HRH1: variants seen among roughly 807,000 people sequenced by gnomAD.
The protein encoded by HRH1 is histamine receptor H1.
HRH1 carries 6 observed loss-of-function variants against 10.3 expected under a neutral mutation model. The ratio of observed to expected loss-of-function variants is 0.58; its 90% CI spans 0.32 to 1.15. The LOEUF (loss-of-function observed/expected upper bound fraction) is 1.15. HRH1 is among the 50% of genes most tolerant of loss of function. The pLI is 0.05. For missense variants in HRH1, 514 were observed against 615.3 expected (o/e 0.84, Z 1.74); for synonymous variants, 242 against 236.7 (o/e 1.02, Z -0.21).
At chr3:11,140,467 C>T (rs1363643184) in intron 1 of HRH1, among the ~76,000 whole-genome samples, 4 of 152,096 alleles carry the variant, frequency 2.6e-5, no homozygotes, top group Non-Finnish European at 5.9e-5. Context: ...TCATTCTTTC[C>T]ACTCCAGCTA....
At chr3:11,232,557 G>A (rs1038853240) in intron 1 of HRH1, among the ~76,000 whole-genome samples, 2 of 151,988 alleles carry the variant, frequency 1.3e-5, no homozygotes, top group African/African-American at 4.8e-5. Flanking sequence ...TTTGAAATTG[G>A]GTAGGTCGAT....
At chr3:11,217,026 A>G (rs1386052945) in intron 1 of HRH1, among the ~76,000 whole-genome samples, 1 of 151,862 alleles carries the variant, frequency 6.6e-6, no homozygotes, top group African/African-American at 2.4e-5. Context: ...TCTACTAAAA[A>G]TACAAAAAAA....
chr3:11,230,056 A>G (rs547513219), intron 1 of HRH1, among the ~76,000 whole-genome samples: 2 of 152,252 alleles, frequency 1.3e-5, no homozygotes, highest in East Asian at 3.9e-4. Context: ...ACTTGAGCTT[A>G]GACCAAGTCA....
chr3:11,236,890 T>TAATC (rs934176643), intron 1 of HRH1, among the ~76,000 whole-genome samples: 1 of 152,222 alleles, frequency 6.6e-6, no homozygotes, highest in African/African-American at 2.4e-5. Flanking sequence ...CAGGAACTGG[T>TAATC]AATCACCTGG....
intron 1 of HRH1, among the ~76,000 whole-genome samples, chr3:11,157,036 G>A (rs1936820293): frequency 6.6e-6 from 1 of 152,246 alleles, no homozygotes; most frequent in African/African-American, 2.4e-5. Flanking sequence ...AGTGTCACTA[G>A]TGTGGATGAT....
intron 1 of HRH1, among the ~76,000 whole-genome samples, chr3:11,177,667 C>T (rs1027718839): frequency 6.6e-6 from 1 of 152,158 alleles, no homozygotes; most frequent in Non-Finnish European, 1.5e-5. Context: ...TATCTTAAGG[C>T]CCCCAGCCCC....
intron 1 of HRH1, among the ~76,000 whole-genome samples, chr3:11,159,327 G>T (rs1276015294): frequency 6.6e-6 from 1 of 152,180 alleles, no homozygotes; most frequent in African/African-American, 2.4e-5. Context: ...TGATAATGAG[G>T]TATCATGTTT....
intron 1 of HRH1, among the ~76,000 whole-genome samples, chr3:11,165,242 G>T (rs2125010118): frequency 6.6e-6 from 1 of 152,226 alleles, no homozygotes; most frequent in South Asian, 2.1e-4. Flanking sequence ...GAAACATTTG[G>T]GGCAATAGCC....
intron 1 of HRH1, among the ~76,000 whole-genome samples, chr3:11,205,303 C>T (rs1367398534): frequency 1.3e-5 from 2 of 150,010 alleles, no homozygotes; most frequent in African/African-American, 4.9e-5. Flanking sequence ...TCATCCAGCT[C>T]TGGACCCCTG....
chr3:11,171,109 GT>G (rs1232509772), intron 1 of HRH1, among the ~76,000 whole-genome samples: 2 of 143,884 alleles, frequency 1.4e-5, no homozygotes, highest in Non-Finnish European at 3.0e-5. Context: ...GGGTTTTGGG[GT>G]TTTTTTTCTT....
At chr3:11,156,012 C>T (rs1443369467) in intron 1 of HRH1, among the ~76,000 whole-genome samples, 1 of 152,150 alleles carries the variant, frequency 6.6e-6, no homozygotes, top group Non-Finnish European at 1.5e-5. Context: ...CTGACTCCCT[C>T]TAGATTATGA....
intron 1 of HRH1, among the ~76,000 whole-genome samples, chr3:11,235,028 A>G (rs1193781962): frequency 6.6e-6 from 1 of 152,044 alleles, no homozygotes; most frequent in African/African-American, 2.4e-5. Context: ...ATCCTGGCTA[A>G]CACAGTGAAA....
intron 1 of HRH1, among the ~76,000 whole-genome samples, chr3:11,172,734 G>T (rs547299020): frequency 1.4e-5 from 2 of 138,452 alleles, no homozygotes; most frequent in East Asian, 4.5e-4. Flanking sequence ...ATGGAGTCTC[G>T]CTCTGTCCCC....
rs138842618 is a variant in HRH1, at chr3:11,247,542, C to T, written c.-35-11461C>T. Reference sequence around the variant, plus strand: ...TAGGCGGGAAGGAAGAGGGACTGTCCCTTACTAGGTGGGAAGGCATATCTG... The same window carrying T: ...TAGGCGGGAAGGAAGAGGGACTGTCTCTTACTAGGTGGGAAGGCATATCTG... On this transcript the variant is annotated intron_variant, in intron 1 of 1. Coordinates refer to ENST00000431010, the MANE Select transcript of HRH1 (RefSeq NM_001098212.2). 1.8e-4 allele frequency among the ~76,000 whole-genome samples: 27 copies of T among 151,932 alleles called. No individual in the cohort carries two copies. The East Asian group carries it at 3.9e-3, about 22-fold the overall frequency.
intron 1 of HRH1, among the ~76,000 whole-genome samples, chr3:11,141,619 T>G (rs1936293215): frequency 6.6e-6 from 1 of 152,174 alleles, no homozygotes; most frequent in African/African-American, 2.4e-5. Context: ...GCTTCTTGAG[T>G]GTCCTCACAA....
At chr3:11,188,315 A>C (rs1229692822) in intron 1 of HRH1, among the ~76,000 whole-genome samples, 1 of 152,210 alleles carries the variant, frequency 6.6e-6, no homozygotes, top group East Asian at 1.9e-4. Context: ...AGTTATAAAG[A>C]ATCAGGCCAG....
In HRH1 at chr3:11,207,501, G is replaced by A. The variant is rs543789825; in HGVS notation, c.-35-51502G>A. 2.6e-5 allele frequency among the ~76,000 whole-genome samples: 4 copies of A among 152,108 alleles called. No homozygotes were observed. In the East Asian group the frequency reaches 5.8e-4, roughly 22 times the overall value. ...GGAGAATGGCGTGAACCTGGGAGGCGGAGCTTGCAGTGAGCCGAGATCATG... is the reference window on the plus strand; with the variant it reads ...GGAGAATGGCGTGAACCTGGGAGGCAGAGCTTGCAGTGAGCCGAGATCATG... On this transcript the variant is annotated intron_variant, in intron 1 of 1. Transcript: ENST00000431010.
At chr3:11,225,898 C>G (rs533607149) in intron 1 of HRH1, 1 of 152,380 alleles carries the variant, frequency 6.6e-6, no homozygotes, top group East Asian at 1.9e-4. Context: ...CAGAGTTCAG[C>G]GAAGCCCTGG....
intron 1 of HRH1, among the ~76,000 whole-genome samples, chr3:11,180,945 G>GCACACACACA (rs1229311363): frequency 3.1e-5 from 2 of 64,632 alleles, no homozygotes; most frequent in East Asian, 5.5e-4. Flanking sequence ...CTTCTCTCAG[G>GCACACACACA]CATACACACA....
Sources: gnomAD v4.1 joint callset for allele counts (sites outside exome capture counted in the v4.1 genomes callset) on GRCh38, gnomAD v4.1.1 for gene constraint, MANE v1.5 for transcripts, NCBI Gene and HGNC (gene_info 2026-07-23, HGNC 2026-07-21) for gene names.